Variants in SLC1A5 observed in about 807,000 individuals in gnomAD.
SLC1A5 encodes solute carrier family 1 member 5.
In SLC1A5, 25 loss-of-function variants were observed where a neutral mutation model predicts 34.9. The observed-to-expected ratio is 0.72, with a 90% CI of 0.52 to 1.00. The LOEUF (loss-of-function observed/expected upper bound fraction) is 1.00, where lower values mean the gene tolerates loss of function less well. Ranked by LOEUF, SLC1A5 falls within the 50% of genes least tolerant of loss-of-function variation. SLC1A5 has a pLI of 0.00. For missense variants in SLC1A5, 637 were observed against 740.0 expected (o/e 0.86, Z 1.61); for synonymous variants, 351 against 341.2 (o/e 1.03, Z -0.32).
Position 46,777,210 on chromosome 19 carries a change from C to A in SLC1A5, c.1253+1G>T. On this transcript the variant is annotated splice_donor_variant, in intron 6 of 7. Transcript: ENST00000542575. LOFTEE classifies it high-confidence loss of function. ...CCCATCCGCAGCCCCCTGACACTCA[C>A]AGGATGGTGATGATCTTTACGAAGT... is the stretch of plus-strand genomic sequence containing the variant. 6.2e-7 allele frequency: 1 copy of A among 1,602,634 alleles called. No homozygotes were observed. Among genetic ancestry groups the A allele is most frequent in the Non-Finnish European group, 8.5e-7 (1 of 1,172,862 alleles).
chr19:46,783,890 G>T (rs1278211795), intron 3 of SLC1A5, among the ~76,000 whole-genome samples: 1 of 151,888 alleles, frequency 6.6e-6, no homozygotes, highest in Non-Finnish European at 1.5e-5. Flanking sequence ...GTTGGGGGGT[G>T]AGGGAGAAAG....
Position 46,786,210 on chromosome 19 carries a change from G to A in SLC1A5, c.566+1190C>T, listed in dbSNP as rs540086184. Among the ~76,000 whole-genome samples the A allele has an allele frequency of 2.3e-4, 35 of 152,332 alleles. No homozygotes were observed. In the South Asian group the frequency reaches 3.7e-3, roughly 16 times the overall value. On this transcript the variant is annotated intron_variant, in intron 1 of 7. Coordinates refer to ENST00000542575, the MANE Select transcript of SLC1A5 (RefSeq NM_005628.3). ...ACAGGGGTCTTAGTACACAGTGAGC[G>A]TGTGTATGACCGCTGGTATCTGGCC... is the stretch of plus-strand genomic sequence containing the variant.
chr19:46,784,268 T>C, intron 2 of SLC1A5, 124 bp from the exon 3 acceptor site: 1 of 844,740 alleles, frequency 1.2e-6, no homozygotes, highest in South Asian at 1.5e-5. Context: ...TTTCATCTGC[T>C]GGCAACCCCA....
chr19:46,778,606 G>T (rs2055117753), intron 5 of SLC1A5, 69 bp downstream of exon 5: 1 of 1,173,114 alleles, frequency 8.5e-7, no homozygotes, highest in South Asian at 1.3e-5. Flanking sequence ...CCCGGGCAGA[G>T]AAAATTTCAT....
chr19:46,786,355 G>A (rs1205683748), intron 1 of SLC1A5, among the ~76,000 whole-genome samples: 2 of 152,178 alleles, frequency 1.3e-5, no homozygotes, highest in East Asian at 1.9e-4. Context: ...GTTTTGGCAC[G>A]CAGGGGAGGC....
chr19:46,783,324 A>G (rs1346757506), intron 3 of SLC1A5, among the ~76,000 whole-genome samples: 1 of 152,094 alleles, frequency 6.6e-6, no homozygotes, highest in Non-Finnish European at 1.5e-5. Context: ...TTAGCCGGGC[A>G]TGGTGGCACA....
At chr19:46,781,324 C>T (rs2055144135) in intron 4 of SLC1A5, among the ~76,000 whole-genome samples, 1 of 152,076 alleles carries the variant, frequency 6.6e-6, no homozygotes, top group African/African-American at 2.4e-5. Context: ...CAAGTCCGGG[C>T]GCGGTGGCTC....
Position 46,777,304 on chromosome 19 carries a change from A to G in SLC1A5, c.1160T>C (p.Met387Thr). The G allele has an allele frequency of 6.2e-7, 1 of 1,613,866 alleles. No homozygotes were observed. Among genetic ancestry groups the G allele is most frequent in the Non-Finnish European group, 8.5e-7 (1 of 1,179,992 alleles). Reference protein sequence around the residue: ...FILPIGATVNMDGAALFQCVA... With the variant: ...FILPIGATVNTDGAALFQCVA... ...GCACTGGAAGAGCGCGGCACCGTCC[A>G]TGTTGACGGTGGCGCCGATGGGCAG... The change falls in exon 6 of 8, where the codon ATG (methionine) becomes ACG (threonine). Residue 387 changes from methionine (M) to threonine (T), a missense_variant. Physicochemically the swap from Met to Thr is moderately conservative, Grantham distance 81. Transcript: ENST00000542575.
intron 7 of SLC1A5, among the ~76,000 whole-genome samples, chr19:46,776,397 GGGGTTTCACCATGTTGGTCA>G (rs2055089520): frequency 1.3e-5 from 2 of 151,816 alleles, no homozygotes; most frequent in Non-Finnish European, 2.9e-5. Flanking sequence ...TAGTGGAGAT[GGGGTTTCACCATGTTGGTCA>G]GGCTTGTCTC....
chr19:46,784,510 G>C lies in SLC1A5; in HGVS notation c.609+7C>G. On this transcript the variant is annotated splice_region_variant and intron_variant, in intron 2 of 7. Coordinates refer to ENST00000542575, the MANE Select transcript of SLC1A5 (RefSeq NM_005628.3). The stretch of plus-strand genomic sequence containing the variant: ...CCCATCCCCTCAGGACACCCCTGAG[G>C]ACTCACTGAGCGAAAGGCTGCTGAC... The C allele has an allele frequency of 6.2e-7, 1 of 1,614,012 alleles. No homozygotes were observed.
chr19:46,775,627 A>C lies in SLC1A5; in HGVS notation c.1509T>G (p.Ser503Arg). Residue 503 changes from serine to arginine, a missense_variant, in exon 8 of 8, where the codon AGT becomes AGG. Physicochemically the swap from Ser to Arg is moderately radical, Grantham distance 110 (BLOSUM62 -1). Coordinates refer to ENST00000542575, the MANE Select transcript of SLC1A5 (RefSeq NM_005628.3). ...STEPELIQVK[S>R]ELPLDPLPVP... ...CTGGCAGCGGATCCAGGGGCAGCTC[A>C]CTCTTCACTTGTATCAACTCAGGCT... 1 of 1,613,760 alleles carries C rather than the reference A, an allele frequency of 6.2e-7. No homozygotes were observed. Among genetic ancestry groups the C allele is most frequent in the Non-Finnish European group, 8.5e-7 (1 of 1,179,938 alleles).
chr19:46,784,891 T>A, intron 1 of SLC1A5: 2 of 1,302,804 alleles, frequency 1.5e-6, no homozygotes, highest in South Asian at 4.6e-5. Context: ...GCAAACTTAA[T>A]ACCCTGGACA....
Position 46,775,379 on chromosome 19 carries a change from G to T in SLC1A5, c.*131C>A. 6.6e-7 allele frequency: 1 copy of T among 1,508,532 alleles called. No individual in the cohort carries two copies. The allele number at this position is 1,508,532 out of a possible 1,614,324, so 93.4% of individuals were successfully genotyped here. A position where few individuals can be genotyped will look rare whatever the true frequency, so the allele number is the denominator to read the frequency against. On this transcript the variant is annotated 3_prime_UTR_variant, in exon 8 of 8. Coordinates refer to ENST00000542575, the MANE Select transcript of SLC1A5 (RefSeq NM_005628.3). ...CATCCCAGATCTCCTGTCCTGGAGGGTGCTGGGGCCCCTGGCTCCCCAGAG... is the reference window on the plus strand; with the variant it reads ...CATCCCAGATCTCCTGTCCTGGAGGTTGCTGGGGCCCCTGGCTCCCCAGAG...
In SLC1A5 at chr19:46,787,664, C is replaced by T. The variant is rs777565933; in HGVS notation, c.302G>A (p.Arg101Gln). 2.5e-6 allele frequency: 4 copies of T among 1,590,540 alleles called. No homozygotes were observed. The highest frequency in any genetic ancestry group is 2.2e-5 in the South Asian group (2 of 89,018). ...CACCACCAGCGGCAAGATGATCATC[C>T]GCAGCAGACGCAGCAGCAGCTCGCC... Reference protein sequence around the residue: ...FPGELLLRLLRMIILPLVVCS... With the variant: ...FPGELLLRLLQMIILPLVVCS... The change falls in exon 1 of 8, where the codon CGG becomes CAG. Residue 101 changes from arginine to glutamine, a missense_variant. Coordinates refer to ENST00000542575, the MANE Select transcript of SLC1A5 (RefSeq NM_005628.3). This position sits in a 1 kb window ranked among gnomAD's most constrained non-coding sequence, Gnocchi z 5.2.
At chr19:46,776,657 G>A (rs1240088540) in intron 7 of SLC1A5, 1 of 275,220 alleles carries the variant, frequency 3.6e-6, no homozygotes, top group African/African-American at 2.2e-5. Context: ...TACAGATGGA[G>A]AAACTGAGAC....
chr19:46,775,256 TC>T lies in SLC1A5; in HGVS notation c.*253del. The T allele has an allele frequency of 8.2e-7, 1 of 1,218,154 alleles. No individual in the cohort carries two copies. Among genetic ancestry groups the T allele is most frequent in the Non-Finnish European group, 1.0e-6 (1 of 973,806 alleles). 75.5% of individuals were successfully genotyped at this position (1,218,154 alleles called of 1,614,324 possible). A position where few individuals can be genotyped will look rare whatever the true frequency, so the allele number is the denominator to read the frequency against. ...TGGGGACGCAGCAGAACATTATTTC[TC>T]CATCTTGCTGTTTTCTAGCCTTGAG... On this transcript the variant is annotated 3_prime_UTR_variant, in exon 8 of 8. Transcript: ENST00000542575.
Position 46,787,164 on chromosome 19 carries a change from C to G in SLC1A5, c.566+236G>C. The G allele has an allele frequency of 8.0e-7, 1 of 1,242,374 alleles. No homozygotes were observed. Among genetic ancestry groups the G allele is most frequent in the Non-Finnish European group, 1.1e-6 (1 of 951,398 alleles). 77.0% of individuals were successfully genotyped at this position (1,242,374 alleles called of 1,614,324 possible). A position where few individuals can be genotyped will look rare whatever the true frequency, so the allele number is the denominator to read the frequency against. ...CTATGTCTCCCCAAATCACTTTCTT[C>G]TCCCTCTATAAGACCCCACTTATGT... On this transcript the variant is annotated intron_variant, in intron 1 of 7. Coordinates refer to ENST00000542575, the MANE Select transcript of SLC1A5 (RefSeq NM_005628.3). The surrounding 1 kb of genome is among the most constrained non-coding windows in gnomAD (Gnocchi z 5.2).
At chr19:46,776,197 ATTT>A (rs57733706) in intron 7 of SLC1A5, among the ~76,000 whole-genome samples, 71,801 of 120,696 alleles carry the variant, frequency 0.59, 19,033 homozygotes, top group South Asian at 0.67. Flanking sequence ...TAATTCCAGA[ATTT>A]TTTTTTTTTT....
At chr19:46,778,054 G>C (rs968443606) in intron 5 of SLC1A5, among the ~76,000 whole-genome samples, 1 of 152,112 alleles carries the variant, frequency 6.6e-6, no homozygotes, top group African/African-American at 2.4e-5. Flanking sequence ...TATTGTCTTG[G>C]GAGGGGACAG....
Sources: gnomAD v4.1 joint callset for allele counts (sites outside exome capture counted in the v4.1 genomes callset) on GRCh38, gnomAD v4.1.1 for gene constraint, Gnocchi (gnomAD v3.1) non-coding constraint, MANE v1.5 for transcripts, NCBI Gene and HGNC (gene_info 2026-07-23, HGNC 2026-07-21) for gene names.